Variants in PCDHGA8 observed in about 807,000 individuals in gnomAD.
PCDHGA8 encodes protocadherin gamma subfamily A, 8, also known as protocadherin gamma-A8.
A neutral mutation model predicts 59.2 loss-of-function variants in PCDHGA8; 45 were observed. The observed-to-expected ratio is 0.76, with a 90% CI of 0.60 to 0.98. The LOEUF (loss-of-function observed/expected upper bound fraction) is 0.98, where lower values mean the gene tolerates loss of function less well. PCDHGA8 is among the 50% of genes least tolerant of loss of function. The probability of loss-of-function intolerance (pLI) is 0.00; values close to 1 mark genes in which losing one functional copy is unlikely to be tolerated. For missense variants in PCDHGA8, 1,257 were observed against 1,196.2 expected, an observed-to-expected ratio of 1.05 and a Z score of -0.75; for synonymous variants, 531 against 519.0, an observed-to-expected ratio of 1.02 and a Z score of -0.32.
intron 1 of PCDHGA8, among the ~76,000 whole-genome samples, chr5:141,480,949 G>A (rs949853273): frequency 2.0e-4 from 30 of 152,136 alleles, no homozygotes; most frequent in African/African-American, 4.6e-4. Flanking sequence ...AGAGGCTGAG[G>A]CGGAAGCATC....
At chr5:141,397,965 C>A in intron 1 of PCDHGA8, 1 of 1,077,484 alleles carries the variant, frequency 9.3e-7, no homozygotes. Flanking sequence ...AGCTCAGACT[C>A]CCCAGCGCCG....
At position 141,393,264 on chromosome 5, in the gene PCDHGA8, C is replaced by G. The variant is rs537186931; in HGVS notation, c.451C>G (p.Arg151Gly). The G allele has an allele frequency of 1.1e-4, 170 of 1,613,916 alleles. 3 individuals carry two copies. The South Asian group carries it at 1.8e-3, about 17-fold the overall frequency. Residue 151 changes from arginine to glycine, a missense_variant, in exon 1 of 4, where the codon CGT becomes GGT. Arg to Gly is a moderately radical substitution (Grantham distance 125). Coordinates refer to ENST00000398604, the MANE Select transcript of PCDHGA8 (RefSeq NM_032088.2). ...TAACGAAATCGCGGTTCCTGGAGCA[C>G]GTTATCCACTCCCAGAAGCTGTTGA... Reference protein sequence around the residue: ...KINEIAVPGARYPLPEAVDPD... With the variant: ...KINEIAVPGAGYPLPEAVDPD...
chr5:141,431,333 C>T lies in PCDHGA8; in HGVS notation c.2424+36096C>T. 1 of 1,614,058 alleles carries T rather than the reference C, an allele frequency of 6.2e-7. No individual in the cohort carries two copies. Among genetic ancestry groups the T allele is most frequent in the Non-Finnish European group, 8.5e-7 (1 of 1,180,030 alleles). On this transcript the variant is annotated intron_variant, in intron 1 of 3. Coordinates refer to ENST00000398604, the MANE Select transcript of PCDHGA8 (RefSeq NM_032088.2). The surrounding 1 kb of genome is among the most constrained non-coding windows in gnomAD (Gnocchi z 4.8). ...AAATGGAGCCGACGGTAGTAAGTAC[C>T]CCGAATTGGTGCTGAAACGCGCCCT...
chr5:141,403,759 G>A (rs900084263), intron 1 of PCDHGA8: 2 of 1,613,794 alleles, frequency 1.2e-6, no homozygotes, highest in Non-Finnish European at 1.7e-6. Flanking sequence ...CCAGCGACCT[G>A]GATGAGGGAA....
intron 1 of PCDHGA8, chr5:141,408,154 A>T: frequency 6.6e-7 from 1 of 1,510,630 alleles, no homozygotes; most frequent in Non-Finnish European, 8.9e-7. Context: ...GGTAGAGTGC[A>T]CTTTCTCCAA....
At position 141,485,833 on chromosome 5, in the gene PCDHGA8, G is replaced by A. The variant is rs780944737; in HGVS notation, c.2425-8974G>A. 64 of 1,613,904 alleles carry A rather than the reference G, an allele frequency of 4.0e-5. No homozygotes were observed. Among genetic ancestry groups the A allele is most frequent in the Non-Finnish European group, 2.5e-6 (3 of 1,180,004 alleles). On this transcript the variant is annotated intron_variant, in intron 1 of 3. Coordinates refer to ENST00000398604, the MANE Select transcript of PCDHGA8 (RefSeq NM_032088.2). This position sits in a 1 kb window ranked among gnomAD's most constrained non-coding sequence, Gnocchi z 5.7. Reference sequence around the variant, plus strand: ...TGACTGCTGTCGATGGAGGGAACCCGCCGAGATCTGGCACCGCAGAGCTCC... The same window carrying A: ...TGACTGCTGTCGATGGAGGGAACCCACCGAGATCTGGCACCGCAGAGCTCC...
chr5:141,404,741 G>C, intron 1 of PCDHGA8: 1 of 1,614,072 alleles, frequency 6.2e-7, no homozygotes, highest in South Asian at 1.1e-5. Context: ...AGTGGACAGA[G>C]ACTCAGGCCA....
In PCDHGA8 at chr5:141,399,918, C is replaced by T. The variant is rs1163309827; in HGVS notation, c.2424+4681C>T. On this transcript the variant is annotated intron_variant, in intron 1 of 3. Coordinates refer to ENST00000398604, the MANE Select transcript of PCDHGA8 (RefSeq NM_032088.2). ...CCGTGGACGCAGACTCAGGACACAA[C>T]GCCTGGCTGTCCTACCACGTGCTGC... The T allele has an allele frequency of 4.3e-6, 7 of 1,612,240 alleles. No individual in the cohort carries two copies. In the East Asian group the frequency reaches 8.9e-5, roughly 21 times the overall value.
At chr5:141,418,629 C>T in intron 1 of PCDHGA8, 1 of 1,614,014 alleles carries the variant, frequency 6.2e-7, no homozygotes, top group Non-Finnish European at 8.5e-7. Context: ...GACGTGCCTC[C>T]AGGCACCTCC....
intron 1 of PCDHGA8, chr5:141,423,749 TTGGGGGGGGGG>T: frequency 3.7e-6 from 1 of 272,202 alleles, no homozygotes; most frequent in Non-Finnish European, 4.7e-6. Context: ...TGAAAACTGT[TTGGGGGGGGGG>T]TGGGGCGGCA....
rs983317324 is a variant in PCDHGA8, at chr5:141,431,891, G to A, written c.2424+36654G>A. The stretch of plus-strand genomic sequence containing the variant: ...AAATGTAAATGACCAAGATTCTGAG[G>A]AAAACGGACAGGTGATCTGTTTCAT... On this transcript the variant is annotated intron_variant, in intron 1 of 3. Transcript: ENST00000398604. The surrounding 1 kb of genome is among the most constrained non-coding windows in gnomAD (Gnocchi z 4.8). 16 of 1,614,072 alleles carry A rather than the reference G, an allele frequency of 9.9e-6. No homozygotes were observed. The highest frequency in any genetic ancestry group is 2.7e-5 in the African/African-American group (2 of 74,934).
In PCDHGA8 at chr5:141,485,101, T is replaced by C; in HGVS notation, c.2425-9706T>C. On this transcript the variant is annotated intron_variant, in intron 1 of 3. Coordinates refer to ENST00000398604, the MANE Select transcript of PCDHGA8 (RefSeq NM_032088.2). The surrounding 1 kb of genome is among the most constrained non-coding windows in gnomAD (Gnocchi z 5.7). ...GGAAAGGGAGATAGGTGTCTCCAGC[T>C]GCTGTGGCTGTTTGGGGCGGGTCGG... 1 of 1,158,208 alleles carries C rather than the reference T, an allele frequency of 8.6e-7. No homozygotes were observed. Among genetic ancestry groups the C allele is most frequent in the South Asian group, 1.4e-5 (1 of 72,622 alleles). The allele number at this position is 1,158,208 out of a possible 1,614,324, so 71.7% of individuals were successfully genotyped here.
intron 1 of PCDHGA8, among the ~76,000 whole-genome samples, chr5:141,465,422 G>T (rs74711061): frequency 6.6e-6 from 1 of 152,142 alleles, no homozygotes; most frequent in Non-Finnish European, 1.5e-5. Context: ...AGCACTGAAA[G>T]GTGGGCACTT....
intron 1 of PCDHGA8, chr5:141,424,773 T>C (rs1398493027): frequency 6.6e-6 from 1 of 152,206 alleles, no homozygotes; most frequent in African/African-American, 2.4e-5. Flanking sequence ...TGGCAAATAG[T>C]ACATTCAGTT....
At chr5:141,414,947 T>C (rs1422289231) in intron 1 of PCDHGA8, 1 of 1,614,052 alleles carries the variant, frequency 6.2e-7, no homozygotes, top group Non-Finnish European at 8.5e-7. Context: ...CCCGGCTACC[T>C]GGTGACCAAG....
At chr5:141,398,977 A>G (rs761532339) in intron 1 of PCDHGA8, 2 of 1,613,952 alleles carry the variant, frequency 1.2e-6, no homozygotes, top group Non-Finnish European at 1.7e-6. Context: ...CTTCTACAGA[A>G]CCGGGCAAAT....
chr5:141,394,929 G>C lies in PCDHGA8; in HGVS notation c.2116G>C (p.Ala706Pro). 4 of 1,613,762 alleles carry C rather than the reference G, an allele frequency of 2.5e-6. No homozygotes were observed. Among genetic ancestry groups the C allele is most frequent in the Non-Finnish European group, 3.4e-6 (4 of 1,179,876 alleles). ...AVAAISCVFL[A>P]FVAVLLGLRL... ...GGCTGCCATCTCCTGTGTCTTCCTC[G>C]CCTTTGTCGCTGTGCTTCTGGGGCT... is the stretch of plus-strand genomic sequence containing the variant. Residue 706 changes from alanine to proline, a missense_variant, in exon 1 of 4, where the codon GCC (alanine) becomes CCC (proline). Ala to Pro is a conservative substitution (Grantham distance 27). Transcript: ENST00000398604.
intron 1 of PCDHGA8, chr5:141,413,388 C>G (rs765673305): frequency 6.2e-7 from 1 of 1,613,894 alleles, no homozygotes; most frequent in African/African-American, 1.3e-5. Context: ...TCCGCATAGT[C>G]TCCAGAGGTA....
At chr5:141,488,389 A>G (rs1322717951) in intron 1 of PCDHGA8, among the ~76,000 whole-genome samples, 1 of 152,224 alleles carries the variant, frequency 6.6e-6, no homozygotes, top group East Asian at 1.9e-4. Context: ...GAATTTGGTG[A>G]AACCATGAAA....
Sources: gnomAD v4.1 joint callset for allele counts (sites outside exome capture counted in the v4.1 genomes callset) on GRCh38, gnomAD v4.1.1 for gene constraint, Gnocchi (gnomAD v3.1) non-coding constraint, MANE v1.5 for transcripts, NCBI Gene and HGNC (gene_info 2026-07-23, HGNC 2026-07-21) for gene names.